ZHX3: variants seen among roughly 807,000 people sequenced by gnomAD.
ZHX3 encodes zinc fingers and homeoboxes protein 3.
A neutral mutation model predicts 64.5 loss-of-function variants in ZHX3; 20 were observed. The ratio of observed to expected loss-of-function variants is 0.31; its 90% CI spans 0.22 to 0.45. The LOEUF is 0.45. Among genes scored for constraint, ZHX3 ranks in the 20% least tolerant of loss-of-function variants. The pLI, the probability that ZHX3 is intolerant of heterozygous loss-of-function variation, is 1.00. For synonymous variants in ZHX3, 423 were observed against 461.6 expected (o/e 0.92, Z 1.07); for missense variants, 1,041 against 1,195.8 (o/e 0.87, Z 1.91).
chr20:41,302,053 C>CAAAAAAAAAAA (rs555883542), intron 1 of ZHX3, among the ~76,000 whole-genome samples: 4 of 62,372 alleles, frequency 6.4e-5, no homozygotes, highest in Admixed American at 2.0e-4. Context: ...GACTCCATCT[C>CAAAAAAAAAAA]AAAAAAAAAA....
intron 2 of ZHX3, among the ~76,000 whole-genome samples, chr20:41,251,390 T>A (rs988346109): frequency 1.3e-5 from 2 of 152,060 alleles, no homozygotes; most frequent in Non-Finnish European, 2.9e-5. Flanking sequence ...CTACAGTAAG[T>A]CACATAGGTA....
intron 2 of ZHX3, among the ~76,000 whole-genome samples, chr20:41,216,363 AC>A (rs1482717518): frequency 1.3e-5 from 2 of 152,106 alleles, no homozygotes; most frequent in African/African-American, 4.8e-5. Flanking sequence ...CTTCCTATTC[AC>A]CCCCAGAGAT....
At chr20:41,187,068 A>C (rs1280198281) in intron 3 of ZHX3, among the ~76,000 whole-genome samples, 2 of 152,078 alleles carry the variant, frequency 1.3e-5, no homozygotes, top group Non-Finnish European at 2.9e-5. Context: ...TGCACCTGTA[A>C]TCTCAGCACT....
At chr20:41,229,246 T>C (rs1229153818) in intron 2 of ZHX3, among the ~76,000 whole-genome samples, 1 of 152,204 alleles carries the variant, frequency 6.6e-6, no homozygotes, top group East Asian at 1.9e-4. Context: ...CAGGATTTAC[T>C]TCCTTTTAAA....
At chr20:41,311,294 T>G (rs989766778) in intron 1 of ZHX3, among the ~76,000 whole-genome samples, 1 of 152,242 alleles carries the variant, frequency 6.6e-6, no homozygotes, top group Non-Finnish European at 1.5e-5. Context: ...TGTATAATTC[T>G]GCTCCTCAAA....
At chr20:41,251,131 A>C (rs2041972155) in intron 2 of ZHX3, among the ~76,000 whole-genome samples, 2 of 149,340 alleles carry the variant, frequency 1.3e-5, no homozygotes, top group Admixed American at 1.3e-4. Context: ...AGGGAACAGA[A>C]AACAACAGAA....
At chr20:41,198,371 G>GAACA (rs2037939231) in intron 3 of ZHX3, among the ~76,000 whole-genome samples, 2 of 151,948 alleles carry the variant, frequency 1.3e-5, no homozygotes, top group Non-Finnish European at 2.9e-5. Flanking sequence ...TAGCATTTCT[G>GAACA]GTAGGGCATG....
intron 2 of ZHX3, among the ~76,000 whole-genome samples, chr20:41,265,962 C>T (rs1264590046): frequency 6.6e-6 from 1 of 152,114 alleles, no homozygotes; most frequent in African/African-American, 2.4e-5. Context: ...GGGGACAAGA[C>T]CCATGGCCAC....
At chr20:41,314,290 A>G (rs549285157) in intron 1 of ZHX3, among the ~76,000 whole-genome samples, 45 of 152,218 alleles carry the variant, frequency 3.0e-4, no homozygotes, top group Non-Finnish European at 5.4e-4. Flanking sequence ...GTAAAATTGC[A>G]AAAGGTCAAG....
intron 1 of ZHX3, among the ~76,000 whole-genome samples, chr20:41,312,588 G>A (rs1193471331): frequency 1.3e-5 from 2 of 152,206 alleles, no homozygotes; most frequent in African/African-American, 2.4e-5. Flanking sequence ...CATGTGCTGA[G>A]ATAGAGGACA....
At chr20:41,233,889 G>A (rs1056030638) in intron 2 of ZHX3, among the ~76,000 whole-genome samples, 2 of 152,156 alleles carry the variant, frequency 1.3e-5, no homozygotes, top group African/African-American at 4.8e-5. Context: ...GGAGCCATGT[G>A]GCACACTGTC....
At position 41,232,004 on chromosome 20, in the gene ZHX3, T is replaced by A. The variant is rs1267913556; in HGVS notation, c.-150-26938A>T. On this transcript the variant is annotated intron_variant, in intron 2 of 3. Coordinates refer to ENST00000683867, the MANE Select transcript of ZHX3 (RefSeq NM_001384317.1). The surrounding 1 kb of genome is among the most constrained non-coding windows in gnomAD (Gnocchi z 5.0). ...AAACTAGATGGTTAAAACAACCACATTCCGTACCATTAGACGCTGACAGCC... is the reference window on the plus strand; with the variant it reads ...AAACTAGATGGTTAAAACAACCACAATCCGTACCATTAGACGCTGACAGCC... Among the ~76,000 whole-genome samples the A allele has an allele frequency of 6.6e-6, 1 of 152,192 alleles. No individual in the cohort carries two copies. The highest frequency in any genetic ancestry group is 1.9e-4 in the East Asian group (1 of 5,196).
chr20:41,280,513 G>A (rs1220907802), intron 1 of ZHX3, among the ~76,000 whole-genome samples: 2 of 152,176 alleles, frequency 1.3e-5, no homozygotes, highest in Non-Finnish European at 2.9e-5. Context: ...GATACTAAGG[G>A]AGAGGAACAA....
At chr20:41,233,246 A>G (rs1190033847) in intron 2 of ZHX3, among the ~76,000 whole-genome samples, 1 of 152,228 alleles carries the variant, frequency 6.6e-6, no homozygotes, top group Non-Finnish European at 1.5e-5. Context: ...AAAGTTAAGC[A>G]ACACCTAAAT....
chr20:41,212,797 C>CAAAAAAAAAAAAACAAAAAAAA lies in ZHX3; in HGVS notation c.-150-7732_-150-7731insTTTTTTTTGTTTTTTTTTTTTT, dbSNP rs1367982723. Reference sequence around the variant, plus strand: ...GGGCAACAAGAGCTAAACTGTGTCTCAAAAAAAAAAAACCAAAAACAAAAC... The same window carrying CAAAAAAAAAAAAACAAAAAAAA: ...GGGCAACAAGAGCTAAACTGTGTCTCAAAAAAAAAAAAACAAAAAAAAAAAAAAAAAAAACCAAAAACAAAAC... On this transcript the variant is annotated intron_variant, in intron 2 of 3. Coordinates refer to ENST00000683867, the MANE Select transcript of ZHX3 (RefSeq NM_001384317.1). This position sits in a 1 kb window ranked among gnomAD's most constrained non-coding sequence, Gnocchi z 4.3. 8.1e-6 allele frequency among the ~76,000 whole-genome samples: 1 copy of CAAAAAAAAAAAAACAAAAAAAA among 123,904 alleles called. No homozygotes were observed. The allele number at this position is 123,904 out of a possible 152,430, so 81.3% of individuals were successfully genotyped here.
chr20:41,261,973 A>G (rs1212857685), intron 2 of ZHX3, among the ~76,000 whole-genome samples: 1 of 152,152 alleles, frequency 6.6e-6, no homozygotes, highest in Non-Finnish European at 1.5e-5. Flanking sequence ...CCACTCCCCA[A>G]GTTGGTCAGT....
intron 1 of ZHX3, among the ~76,000 whole-genome samples, chr20:41,294,368 T>C (rs73265521): frequency 0.066 from 9,974 of 152,204 alleles, 1,084 homozygotes; most frequent in African/African-American, 0.23. Context: ...AGTTTGTTGT[T>C]GTTGCTGTTT....
chr20:41,237,767 AT>A (rs1358897806), intron 2 of ZHX3, among the ~76,000 whole-genome samples: 11 of 152,182 alleles, frequency 7.2e-5, no homozygotes, highest in African/African-American at 2.4e-4. Context: ...AATTAAAAAA[AT>A]AAAATAAAAT....
chr20:41,190,264 T>A (rs1200346272), intron 3 of ZHX3, among the ~76,000 whole-genome samples: 1 of 152,182 alleles, frequency 6.6e-6, no homozygotes, highest in Non-Finnish European at 1.5e-5. Flanking sequence ...AACCTCTGCT[T>A]CCTGGGTTCA....
Sources: allele counts gnomAD v4.1 joint callset (sites outside exome capture counted in the v4.1 genomes callset), GRCh38; gene constraint gnomAD v4.1.1; non-coding constraint Gnocchi (gnomAD v3.1); transcripts MANE v1.5; gene names NCBI Gene and HGNC (gene_info 2026-07-23, HGNC 2026-07-21).